The following SRGAP1 variants were observed in gnomAD, a reference collection of about 807,000 sequenced individuals.
The protein encoded by SRGAP1 is SLIT-ROBO Rho GTPase-activating protein 1.
Under a neutral mutation model 121.9 loss-of-function variants are expected in SRGAP1, and 43 were observed. That is an observed-to-expected ratio of 0.35 (90% CI 0.28 to 0.46). The LOEUF is 0.46. Among genes scored for constraint, SRGAP1 ranks in the 20% least tolerant of loss-of-function variants. The pLI is 1.00. For synonymous variants in SRGAP1, 447 were observed against 485.4 expected (o/e 0.92, Z 1.04); for missense variants, 1,102 against 1,350.9 (o/e 0.82, Z 2.89).
rs574157882 is a variant in SRGAP1 at position 63,903,559 on chromosome 12, G to GT, written c.67+58686dup. On this transcript the variant is annotated intron_variant, in intron 1 of 21. Transcript: ENST00000355086. ...CCGCGCCCAGCCTGTTTTTTTGTTT[G>GT]TTTTTTTTTTCTTTGAGACAGAGTC... 2.9e-3 allele frequency among the ~76,000 whole-genome samples: 415 copies of GT among 143,306 alleles called. 2 individuals carry two copies. The highest frequency in any genetic ancestry group is 4.9e-3 in the Non-Finnish European group (319 of 65,010). 94.0% of individuals were successfully genotyped at this position (143,306 alleles called of 152,430 possible).
At chr12:64,075,745 A>G (rs2035725300) in intron 8 of SRGAP1, among the ~76,000 whole-genome samples, 1 of 152,176 alleles carries the variant, frequency 6.6e-6, no homozygotes, top group South Asian at 2.1e-4. Context: ...ATGGTCATTA[A>G]TATGCTTTTT....
intron 1 of SRGAP1, among the ~76,000 whole-genome samples, chr12:63,876,530 A>G (rs1440023617): frequency 1.3e-5 from 2 of 152,234 alleles, no homozygotes; most frequent in Non-Finnish European, 2.9e-5. Flanking sequence ...ATGGAACTCA[A>G]ATTCCAAAAA....
chr12:64,012,828 G>A (rs1217472204), intron 3 of SRGAP1, among the ~76,000 whole-genome samples: 1 of 151,970 alleles, frequency 6.6e-6, no homozygotes, highest in Non-Finnish European at 1.5e-5. Context: ...TAGGATTACA[G>A]GCATGAGCCA....
intron 1 of SRGAP1, 101 bp from the exon 2 acceptor site, chr12:63,983,841 TATATA>T (rs2033338706): frequency 9.4e-6 from 1 of 106,716 alleles, no homozygotes; most frequent in Non-Finnish European, 1.8e-5. Flanking sequence ...TATATATATA[TATATA>T]TATATATATT....
At chr12:64,139,919 T>C (rs1263646538) in intron 21 of SRGAP1, among the ~76,000 whole-genome samples, 1 of 151,574 alleles carries the variant, frequency 6.6e-6, no homozygotes, top group Non-Finnish European at 1.5e-5. Flanking sequence ...GATTTTTGTA[T>C]AAGGTGTAAG....
At chr12:63,910,416 G>T (rs796942908) in intron 1 of SRGAP1, among the ~76,000 whole-genome samples, 1 of 152,140 alleles carries the variant, frequency 6.6e-6, no homozygotes, top group South Asian at 2.1e-4. Context: ...TCTATAATCT[G>T]CTATTGTCTT....
chr12:64,014,238 C>CT (rs2034339030), intron 3 of SRGAP1, among the ~76,000 whole-genome samples: 1 of 152,180 alleles, frequency 6.6e-6, no homozygotes, highest in African/African-American at 2.4e-5. Flanking sequence ...TTAGACCTTG[C>CT]TTTTAAGCAT....
chr12:63,978,861 C>T (rs1303819442), intron 1 of SRGAP1, among the ~76,000 whole-genome samples: 2 of 152,122 alleles, frequency 1.3e-5, no homozygotes, highest in Non-Finnish European at 2.9e-5. Context: ...TGTCTTCCAA[C>T]ACTTTTTTTA....
chr12:63,844,700 C>A lies in SRGAP1; in HGVS notation c.-117C>A. 2 of 945,176 alleles carry A rather than the reference C, an allele frequency of 2.1e-6. No individual in the cohort carries two copies. The highest frequency in any genetic ancestry group is 3.5e-6 in the Non-Finnish European group (2 of 570,512). 58.5% of individuals were successfully genotyped at this position (945,176 alleles called of 1,614,324 possible). A position where few individuals can be genotyped will look rare whatever the true frequency, so the allele number is the denominator to read the frequency against. ...CTCTCCCTCCTCCCTTCCCTCGGGT[C>A]GGCGCTGCCTCTGGATTGCCTGCGT... On this transcript the variant is annotated 5_prime_UTR_variant, in exon 1 of 22. Coordinates refer to ENST00000355086, the MANE Select transcript of SRGAP1 (RefSeq NM_020762.4). The surrounding 1 kb of genome is among the most constrained non-coding windows in gnomAD (Gnocchi z 4.3).
chr12:63,959,731 T>C lies in SRGAP1; in HGVS notation c.68-24216T>C, dbSNP rs189234039. 2.9e-3 allele frequency among the ~76,000 whole-genome samples: 438 copies of C among 152,290 alleles called. 5 individuals carry two copies. Among genetic ancestry groups the C allele is most frequent in the Non-Finnish European group, 4.7e-3 (317 of 68,010 alleles). On this transcript the variant is annotated intron_variant, in intron 1 of 21. Transcript: ENST00000355086. ...CTACACTGTATTGGGCATGAAATAG[T>C]ATATTACTTAACCCTTACAACAACC... is the stretch of plus-strand genomic sequence containing the variant.
chr12:64,152,814 T>C lies in SRGAP1; in HGVS notation c.*10142T>C, dbSNP rs1245062987. The C allele has an allele frequency of 6.6e-6, 1 of 151,638 alleles. No individual in the cohort carries two copies. Among genetic ancestry groups the C allele is most frequent in the Non-Finnish European group, 1.5e-5 (1 of 67,956 alleles). 9.4% of individuals were successfully genotyped at this position (151,638 alleles called of 1,614,324 possible). A position where few individuals can be genotyped will look rare whatever the true frequency, so the allele number is the denominator to read the frequency against. Reference sequence around the variant, plus strand: ...AGCTGGCATTAATTGTTCTGTTACATTTTGTTTTCATTAAATCAGGCTCCC... The same window carrying C: ...AGCTGGCATTAATTGTTCTGTTACACTTTGTTTTCATTAAATCAGGCTCCC... On this transcript the variant is annotated 3_prime_UTR_variant, in exon 22 of 22. Coordinates refer to ENST00000355086, the MANE Select transcript of SRGAP1 (RefSeq NM_020762.4).
intron 1 of SRGAP1, among the ~76,000 whole-genome samples, chr12:63,921,734 C>T (rs903154490): frequency 4.6e-5 from 7 of 152,168 alleles, no homozygotes; most frequent in African/African-American, 1.7e-4. Flanking sequence ...GATCTGTGAT[C>T]ATGCCTGGTA....
At chr12:64,056,606 T>C (rs2035348594) in intron 6 of SRGAP1, among the ~76,000 whole-genome samples, 1 of 151,576 alleles carries the variant, frequency 6.6e-6, no homozygotes, top group African/African-American at 2.4e-5. Context: ...ATATATCAAT[T>C]CCTATTTCCT....
At chr12:64,055,585 A>G (rs996585106) in intron 6 of SRGAP1, among the ~76,000 whole-genome samples, 5 of 151,684 alleles carry the variant, frequency 3.3e-5, no homozygotes, top group Admixed American at 6.6e-5. Flanking sequence ...GAGGCATCAC[A>G]CTACCTGACT....
chr12:63,944,702 G>C (rs757549732), intron 1 of SRGAP1, among the ~76,000 whole-genome samples: 20 of 152,196 alleles, frequency 1.3e-4, no homozygotes, highest in Non-Finnish European at 2.8e-4. Flanking sequence ...ACATACAGCT[G>C]AGGCCCAAGG....
chr12:63,918,811 C>T (rs1005478030), intron 1 of SRGAP1, among the ~76,000 whole-genome samples: 1 of 152,162 alleles, frequency 6.6e-6, no homozygotes, highest in African/African-American at 2.4e-5. Flanking sequence ...GAGTACTCTT[C>T]TAGGCCTGGA....
chr12:63,969,661 G>A (rs1320410204), intron 1 of SRGAP1, among the ~76,000 whole-genome samples: 1 of 152,082 alleles, frequency 6.6e-6, no homozygotes, highest in African/African-American at 2.4e-5. Flanking sequence ...GGGCGTGGTG[G>A]TGGGCACCTG....
At chr12:63,989,583 T>C (rs1449011493) in intron 2 of SRGAP1, among the ~76,000 whole-genome samples, 1 of 152,244 alleles carries the variant, frequency 6.6e-6, no homozygotes. Context: ...ATAAATTGCT[T>C]TCTTCAATGG....
chr12:64,135,538 C>T (rs908704951), intron 21 of SRGAP1, among the ~76,000 whole-genome samples: 1 of 152,126 alleles, frequency 6.6e-6, no homozygotes, highest in African/African-American at 2.4e-5. Context: ...ACATAATACT[C>T]CATACAAATG....
Sources: allele counts gnomAD v4.1 joint callset (sites outside exome capture counted in the v4.1 genomes callset), GRCh38; gene constraint gnomAD v4.1.1; non-coding constraint Gnocchi (gnomAD v3.1); transcripts MANE v1.5; gene names NCBI Gene and HGNC (gene_info 2026-07-23, HGNC 2026-07-21).